The following SSH2 variants were observed in gnomAD, a reference collection of about 807,000 sequenced individuals.
The protein encoded by SSH2 is slingshot protein phosphatase 2.
A neutral mutation model predicts 135.2 loss-of-function variants in SSH2; 37 were observed. The observed-to-expected ratio is 0.27, with a 90% CI of 0.21 to 0.36. SSH2 has a LOEUF of 0.36. Among genes scored for constraint, SSH2 ranks in the 10% least tolerant of loss-of-function variants. SSH2 has a pLI of 1.00. For missense variants in SSH2, 1,408 were observed against 1,765.3 expected (o/e 0.80, Z 3.63); for synonymous variants, 628 against 646.2 (o/e 0.97, Z 0.43).
intron 5 of SSH2, among the ~76,000 whole-genome samples, chr17:29,685,493 A>G (rs754138742): frequency 1.3e-5 from 2 of 152,150 alleles, no homozygotes; most frequent in Non-Finnish European, 2.9e-5. Context: ...TGGTTATTAA[A>G]GCTGAGTAAT....
intron 2 of SSH2, among the ~76,000 whole-genome samples, chr17:29,833,595 ATAAG>A (rs1257009642): frequency 7.9e-5 from 12 of 152,234 alleles, no homozygotes; most frequent in South Asian, 6.2e-4. Flanking sequence ...GTTAATATTG[ATAAG>A]TAAGGACTTA....
chr17:29,743,025 G>A (rs760317023), intron 3 of SSH2, among the ~76,000 whole-genome samples: 6 of 152,070 alleles, frequency 3.9e-5, no homozygotes, highest in African/African-American at 1.4e-4. Flanking sequence ...TCCACCTCCC[G>A]GGTTCAAGGG....
chr17:29,651,352 C>T (rs1054134321), intron 12 of SSH2, among the ~76,000 whole-genome samples: 3 of 152,174 alleles, frequency 2.0e-5, no homozygotes, highest in African/African-American at 7.2e-5. Context: ...GAGGACAGAA[C>T]TGGAAGGGTC....
chr17:29,682,831 CT>C (rs2038041677), intron 6 of SSH2, among the ~76,000 whole-genome samples: 1 of 152,160 alleles, frequency 6.6e-6, no homozygotes, highest in African/African-American at 2.4e-5. Flanking sequence ...ACTGAAAGCT[CT>C]GTTGCTTAAT....
intron 1 of SSH2, among the ~76,000 whole-genome samples, chr17:29,909,300 G>A (rs1401101757): frequency 6.6e-6 from 1 of 151,738 alleles, no homozygotes; most frequent in Non-Finnish European, 1.5e-5. Context: ...CAATATTTCC[G>A]GGTATCATGG....
chr17:29,755,290 A>G (rs1021518408), intron 3 of SSH2, among the ~76,000 whole-genome samples: 1 of 152,204 alleles, frequency 6.6e-6, no homozygotes, highest in Non-Finnish European at 1.5e-5. Context: ...TTGCTCATAT[A>G]TATTTTTTTC....
chr17:29,660,652 T>C (rs1396802920), intron 11 of SSH2, among the ~76,000 whole-genome samples: 1 of 152,168 alleles, frequency 6.6e-6, no homozygotes, highest in Non-Finnish European at 1.5e-5. Context: ...AAATTATACA[T>C]GCAAAGTTTT....
chr17:29,903,122 G>T (rs1229791364), intron 1 of SSH2, among the ~76,000 whole-genome samples: 2 of 151,736 alleles, frequency 1.3e-5, no homozygotes, highest in Admixed American at 6.6e-5. Context: ...AGAAGTAGAG[G>T]CTGCAGTGAG....
intron 13 of SSH2, among the ~76,000 whole-genome samples, chr17:29,650,158 A>T (rs138435203): frequency 8.0e-4 from 122 of 152,358 alleles, no homozygotes; most frequent in Middle Eastern, 3.4e-3. Flanking sequence ...AGAAGAGCCA[A>T]CTAATTTAAG....
intron 3 of SSH2, among the ~76,000 whole-genome samples, chr17:29,784,065 C>CAAAAAAA (rs71138857): frequency 0.023 from 191 of 8,222 alleles, 14 homozygotes; most frequent in Non-Finnish European, 0.036. Context: ...GACTCCGTCT[C>CAAAAAAA]AAAAAAAAAA....
In SSH2 at chr17:29,684,570, T is replaced by C. The variant is rs773158355; in HGVS notation, c.472A>G (p.Asn158Asp). The C allele has an allele frequency of 5.0e-6, 8 of 1,612,242 alleles. No individual in the cohort carries two copies. The highest frequency in any genetic ancestry group is 6.8e-6 in the Non-Finnish European group (8 of 1,179,084). Residue 158 changes from asparagine to aspartate, a missense_variant, in exon 6 of 16, where the codon AAT becomes GAT. Physicochemically the swap from Asn to Asp is conservative, Grantham distance 23. This residue lies in a region of SSH2 where 222 missense variants were observed against 355.6 expected (regional missense o/e 0.62). Transcript: ENST00000540801. Reference sequence around the variant, plus strand: ...GAAATGGTACCACCATACCTGTCATTAGAGGAGAAATCCATTCCTAGGACG... The same window carrying C: ...GAAATGGTACCACCATACCTGTCATCAGAGGAGAAATCCATTCCTAGGACG... ...SIVLGMDFSS[N>D]DSSTCTMGLV...
intron 5 of SSH2, among the ~76,000 whole-genome samples, chr17:29,693,971 C>T (rs2038606882): frequency 1.3e-5 from 2 of 152,172 alleles, no homozygotes; most frequent in African/African-American, 2.4e-5. Flanking sequence ...GGGAGAGGTA[C>T]TACCTTTAGT....
chr17:29,923,126 G>A (rs931823794), intron 1 of SSH2, among the ~76,000 whole-genome samples: 1 of 152,100 alleles, frequency 6.6e-6, no homozygotes, highest in Non-Finnish European at 1.5e-5. Context: ...TGGCCAGGCT[G>A]GTCTCAAACT....
intron 14 of SSH2, chr17:29,639,755 A>C (rs2036069705): frequency 6.6e-6 from 1 of 152,146 alleles, no homozygotes; most frequent in Admixed American, 6.5e-5. Context: ...GGGAGGGGCA[A>C]GCTGACTGTT....
At chr17:29,746,255 A>C (rs1200741113) in intron 3 of SSH2, among the ~76,000 whole-genome samples, 1 of 151,954 alleles carries the variant, frequency 6.6e-6, no homozygotes, top group Non-Finnish European at 1.5e-5. Context: ...TCCCCCTAAA[A>C]ATAGATGAGG....
intron 1 of SSH2, among the ~76,000 whole-genome samples, chr17:29,921,191 A>G (rs908524862): frequency 2.6e-5 from 4 of 152,212 alleles, no homozygotes; most frequent in African/African-American, 9.6e-5. Flanking sequence ...CACTTCACTT[A>G]TCTGAGTCTG....
At chr17:29,813,882 A>T (rs1418112644) in intron 2 of SSH2, among the ~76,000 whole-genome samples, 1 of 151,776 alleles carries the variant, frequency 6.6e-6, no homozygotes, top group East Asian at 1.9e-4. Flanking sequence ...TTGTAATCCC[A>T]GCACTTTGGG....
At chr17:29,670,472 A>G (rs1185882845) in intron 9 of SSH2, among the ~76,000 whole-genome samples, 1 of 152,182 alleles carries the variant, frequency 6.6e-6, no homozygotes, top group East Asian at 1.9e-4. Context: ...CCTTTCATAC[A>G]ATTTTTGGAA....
intron 2 of SSH2, among the ~76,000 whole-genome samples, chr17:29,832,633 A>G (rs2042867823): frequency 6.6e-6 from 1 of 152,134 alleles, no homozygotes; most frequent in African/African-American, 2.4e-5. Context: ...CATTGTGGTC[A>G]GAGAAGATAC....
Sources: allele counts gnomAD v4.1 joint callset (sites outside exome capture counted in the v4.1 genomes callset), GRCh38; gene constraint gnomAD v4.1.1; regional missense constraint gnomAD v4.1.1; transcripts MANE v1.5; gene names NCBI Gene and HGNC (gene_info 2026-07-23, HGNC 2026-07-21).